Variants in WWP2 observed in about 807,000 individuals in gnomAD.
WWP2 encodes the protein NEDD4-like E3 ubiquitin-protein ligase WWP2.
WWP2 carries 57 observed loss-of-function variants against 121.0 expected under a neutral mutation model. The ratio of observed to expected loss-of-function variants is 0.47; its 90% CI spans 0.38 to 0.59. The LOEUF is 0.59. Ranked by LOEUF, WWP2 falls within the 20% of genes least tolerant of loss-of-function variation. WWP2 has a pLI of 0.00. For synonymous variants in WWP2, 449 were observed against 441.3 expected (o/e 1.02, Z -0.22); for missense variants, 962 against 1,158.9 (o/e 0.83, Z 2.47).
At chr16:69,816,436 TCTATAA>T (rs987567275) in intron 4 of WWP2, among the ~76,000 whole-genome samples, 9 of 148,324 alleles carry the variant, frequency 6.1e-5, no homozygotes, top group South Asian at 2.1e-4. Context: ...AAAATCTATA[TCTATAA>T]CTATATCTAT....
chr16:69,880,750 C>CG (rs111988145), intron 7 of WWP2, among the ~76,000 whole-genome samples: 5 of 152,176 alleles, frequency 3.3e-5, no homozygotes, highest in African/African-American at 1.2e-4. Flanking sequence ...TTGTGTTTCA[C>CG]GGGTGAAAGA....
intron 7 of WWP2, among the ~76,000 whole-genome samples, chr16:69,872,374 G>A (rs1306398196): frequency 2.0e-5 from 3 of 152,082 alleles, no homozygotes; most frequent in East Asian, 1.9e-4. Flanking sequence ...CCACTGCCAC[G>A]CCCGGCTAAT....
chr16:69,800,899 T>C (rs2056149987), intron 4 of WWP2, among the ~76,000 whole-genome samples: 1 of 149,930 alleles, frequency 6.7e-6, no homozygotes, highest in African/African-American at 2.4e-5. Context: ...TAAAAGCAAT[T>C]TTATGGCCGG....
At chr16:69,914,071 C>CAAAAAAAAA (rs34269202) in intron 9 of WWP2, among the ~76,000 whole-genome samples, 5 of 32,208 alleles carry the variant, frequency 1.6e-4, no homozygotes, top group African/African-American at 3.4e-4. Context: ...GACTCTGTCT[C>CAAAAAAAAA]AAAAAAAAAA....
intron 1 of WWP2, among the ~76,000 whole-genome samples, chr16:69,770,538 A>C (rs1029894814): frequency 2.0e-4 from 31 of 152,158 alleles, no homozygotes; most frequent in African/African-American, 7.0e-4. Context: ...TATCCTTTAT[A>C]ATAAATCAGT....
Position 69,940,219 on chromosome 16 carries a change from T to G in WWP2, c.*279T>G. 4.2e-6 allele frequency: 2 copies of G among 473,720 alleles called. No homozygotes were observed. The highest frequency in any genetic ancestry group is 7.6e-6 in the Non-Finnish European group (2 of 264,852). The allele number at this position is 473,720 out of a possible 1,614,324, so 29.3% of individuals were successfully genotyped here. A position where few individuals can be genotyped will look rare whatever the true frequency, so the allele number is the denominator to read the frequency against. On this transcript the variant is annotated 3_prime_UTR_variant, in exon 24 of 24. Transcript: ENST00000359154. ...ACCCTCTCTGCAAAACTCTCCCCTG[T>G]CCTCTAGACCCCACCCTGGGTGTAT... is the stretch of plus-strand genomic sequence containing the variant.
rs1405162448 is a variant in WWP2 at position 69,829,808 on chromosome 16, C to T, written c.341-10318C>T. On this transcript the variant is annotated intron_variant, in intron 4 of 23. Transcript: ENST00000359154. ...TAAAAGCAGGGACAACGTCTGTTTCCATTTTCCATGATAACATAGCTTCAA... is the reference window on the plus strand; with the variant it reads ...TAAAAGCAGGGACAACGTCTGTTTCTATTTTCCATGATAACATAGCTTCAA... Among the ~76,000 whole-genome samples, 4 of 152,262 alleles carry T rather than the reference C, an allele frequency of 2.6e-5. No homozygotes were observed. In the South Asian group the frequency reaches 6.2e-4, roughly 24 times the overall value.
At chr16:69,806,953 TATTCATTCATTCATTC>T (rs200681828) in intron 4 of WWP2, among the ~76,000 whole-genome samples, 27 of 146,170 alleles carry the variant, frequency 1.8e-4, no homozygotes, top group Non-Finnish European at 3.2e-4. Flanking sequence ...TTTATTTATT[TATTCATTCATTCATTC>T]ATTCATTCAT....
chr16:69,771,262 T>C (rs527997784), intron 1 of WWP2, among the ~76,000 whole-genome samples: 21 of 152,318 alleles, frequency 1.4e-4, no homozygotes, highest in African/African-American at 4.3e-4. Context: ...ATTATTTTTC[T>C]TTTTGAGATG....
intron 8 of WWP2, among the ~76,000 whole-genome samples, chr16:69,900,309 C>A (rs1372469758): frequency 6.6e-6 from 1 of 152,070 alleles, no homozygotes; most frequent in Non-Finnish European, 1.5e-5. Flanking sequence ...TACTGCCAAC[C>A]TTTTATCTGC....
intron 1 of WWP2, among the ~76,000 whole-genome samples, chr16:69,771,471 T>C (rs372152222): frequency 1.3e-5 from 2 of 152,148 alleles, no homozygotes; most frequent in East Asian, 1.9e-4. Flanking sequence ...GGTCTCGAAA[T>C]CCTGACCTCA....
In WWP2 at chr16:69,939,908, A is replaced by G. The variant is rs1253409685; in HGVS notation, c.2581A>G (p.Ile861Val). Residue 861 changes from isoleucine to valine, a missense_variant, in exon 24 of 24, where the codon ATT (isoleucine) becomes GTT (valine). By Grantham distance (29) the Ile-to-Val change is conservative. This residue lies in a region of WWP2 where 606 missense variants were observed against 772.6 expected (regional missense o/e 0.78). Transcript: ENST00000359154. ...EQLREKLLYA[I>V]EETEGFGQE ...GCTGAGAGAGAAGCTGCTGTATGCC[A>G]TTGAGGAGACCGAGGGCTTTGGACA... 1 of 1,613,904 alleles carries G rather than the reference A, an allele frequency of 6.2e-7. No individual in the cohort carries two copies. Among genetic ancestry groups the G allele is most frequent in the South Asian group, 1.1e-5 (1 of 91,076 alleles).
At chr16:69,832,171 G>C (rs975326463) in intron 4 of WWP2, among the ~76,000 whole-genome samples, 1 of 151,928 alleles carries the variant, frequency 6.6e-6, no homozygotes, top group African/African-American at 2.4e-5. Context: ...TGTTTTGTTT[G>C]ATAGTGGCCA....
chr16:69,801,824 G>T (rs1410370948), intron 4 of WWP2, among the ~76,000 whole-genome samples: 1 of 151,924 alleles, frequency 6.6e-6, no homozygotes. Context: ...GACGTATATT[G>T]ATGTTTATGA....
At chr16:69,851,994 A>AAAACAAAAC in intron 6 of WWP2, among the ~76,000 whole-genome samples, 1 of 152,164 alleles carries the variant, frequency 6.6e-6, no homozygotes, top group South Asian at 2.1e-4. Flanking sequence ...AAAACAAAAC[A>AAAACAAAAC]AAACAAAACA....
chr16:69,836,816 A>G (rs1237193628), intron 4 of WWP2, among the ~76,000 whole-genome samples: 1 of 151,800 alleles, frequency 6.6e-6, no homozygotes. Flanking sequence ...GGGTCTCACC[A>G]TGTTGCCCAG....
At chr16:69,843,132 T>C (rs1359516253) in intron 6 of WWP2, among the ~76,000 whole-genome samples, 2 of 152,120 alleles carry the variant, frequency 1.3e-5, no homozygotes, top group African/African-American at 2.4e-5. Flanking sequence ...GCAGCCACAG[T>C]TATTCTTCCA....
intron 6 of WWP2, among the ~76,000 whole-genome samples, chr16:69,868,661 GCACACACACACACACACA>G (rs57674223): frequency 2.0e-5 from 3 of 149,334 alleles, no homozygotes; most frequent in East Asian, 4.0e-4. Flanking sequence ...ATACACATGT[GCACACACACACACACACA>G]CACACACACA....
Position 69,939,898 on chromosome 16 carries a change from G to A in WWP2, c.2571G>A (p.Leu857=). The part of the protein sequence containing the change: ...YKSYEQLREK[L]LYAIEETEGF... ...GCTACGAACAGCTGAGAGAGAAGCT[G>A]CTGTATGCCATTGAGGAGACCGAGG... The change falls in exon 24 of 24, where the codon CTG becomes CTA. Residue 857 remains leucine, a synonymous_variant. Transcript: ENST00000359154. The A allele has an allele frequency of 1.9e-6, 3 of 1,613,978 alleles. No homozygotes were observed. Among genetic ancestry groups the A allele is most frequent in the Non-Finnish European group, 2.5e-6 (3 of 1,179,936 alleles).
Sources: gnomAD v4.1 joint callset for allele counts (sites outside exome capture counted in the v4.1 genomes callset) on GRCh38, gnomAD v4.1.1 for gene constraint, gnomAD v4.1.1 regional missense constraint, MANE v1.5 for transcripts, NCBI Gene and HGNC (gene_info 2026-07-23, HGNC 2026-07-21) for gene names.